RUNX2: variants seen among roughly 807,000 people sequenced by gnomAD.
The protein encoded by RUNX2 is runt-related transcription factor 2.
In RUNX2, 10 loss-of-function variants were observed where a neutral mutation model predicts 51.7. The ratio of observed to expected loss-of-function variants is 0.19; its 90% CI spans 0.12 to 0.33. The LOEUF (loss-of-function observed/expected upper bound fraction) is 0.33. Among genes scored for constraint, RUNX2 ranks in the 10% least tolerant of loss-of-function variants. RUNX2 has a pLI of 1.00. For missense variants in RUNX2, 562 were observed against 691.3 expected (o/e 0.81, Z 2.10); for synonymous variants, 276 against 273.6 (o/e 1.01, Z -0.09).
intron 2 of RUNX2, among the ~76,000 whole-genome samples, chr6:45,329,206 A>G (rs1055977625): frequency 6.6e-6 from 1 of 152,010 alleles, no homozygotes; most frequent in African/African-American, 2.4e-5. Context: ...ATTTTACAAA[A>G]TAACAGACCA....
At chr6:45,384,759 C>T (rs1175812055) in intron 2 of RUNX2, among the ~76,000 whole-genome samples, 1 of 138,484 alleles carries the variant, frequency 7.2e-6, no homozygotes, top group Non-Finnish European at 1.5e-5. Flanking sequence ...ACTCTATCTC[C>T]CAGACTGGAG....
At chr6:45,332,701 T>TA (rs1429704263) in intron 2 of RUNX2, among the ~76,000 whole-genome samples, 1 of 151,756 alleles carries the variant, frequency 6.6e-6, no homozygotes, top group Non-Finnish European at 1.5e-5. Flanking sequence ...TAGCATCTAT[T>TA]AAAAATATAT....
chr6:45,446,479 C>T (rs1234573402), intron 5 of RUNX2, among the ~76,000 whole-genome samples: 1 of 151,470 alleles, frequency 6.6e-6, no homozygotes, highest in African/African-American at 2.4e-5. Flanking sequence ...AGAGGTTCCC[C>T]TCCCCCCCTT....
intron 2 of RUNX2, among the ~76,000 whole-genome samples, chr6:45,396,833 G>A (rs1243523221): frequency 6.6e-6 from 1 of 152,084 alleles, no homozygotes; most frequent in East Asian, 1.9e-4. Context: ...ACATGTATCA[G>A]TATTTTATTC....
chr6:45,479,316 G>A (rs1271378921), intron 5 of RUNX2, among the ~76,000 whole-genome samples: 1 of 152,184 alleles, frequency 6.6e-6, no homozygotes, highest in Admixed American at 6.5e-5. Context: ...GAACTAAAAT[G>A]AAGGCATCTA....
chr6:45,514,165 A>C (rs1274126564), intron 7 of RUNX2, among the ~76,000 whole-genome samples: 1 of 152,184 alleles, frequency 6.6e-6, no homozygotes, highest in Non-Finnish European at 1.5e-5. Context: ...AGAGACACTT[A>C]ACTACAGCAG....
chr6:45,487,819 C>T (rs1337482544), intron 5 of RUNX2, among the ~76,000 whole-genome samples: 1 of 152,164 alleles, frequency 6.6e-6, no homozygotes, highest in African/African-American at 2.4e-5. Flanking sequence ...GGCTCATTCT[C>T]ATGAGACTTA....
rs1219072282 is a variant in RUNX2 at position 45,485,697 on chromosome 6, G to GTGTGTATATATATATATATA, written c.686-6243_686-6242insGTGTATATATATATATATAT. ...TATGTGTGTGTGTGTGTGTGTGTGT[G>GTGTGTATATATATATATATA]TATATATATATATATATATACACAT... On this transcript the variant is annotated intron_variant, in intron 5 of 8. Coordinates refer to ENST00000647337, the MANE Select transcript of RUNX2 (RefSeq NM_001024630.4). Among the ~76,000 whole-genome samples, 144 of 104,028 alleles carry GTGTGTATATATATATATATA rather than the reference G, an allele frequency of 1.4e-3. 1 individual carries two copies. Among genetic ancestry groups the GTGTGTATATATATATATATA allele is most frequent in the African/African-American group, 5.1e-3 (135 of 26,248 alleles). 68.2% of individuals were successfully genotyped at this position (104,028 alleles called of 152,430 possible).
In RUNX2 at chr6:45,549,990, TTTTC is replaced by T. The variant is rs886061505; in HGVS notation, c.*2697_*2700del. 6.9e-5 allele frequency: 10 copies of T among 144,744 alleles called. No homozygotes were observed. The highest frequency in any genetic ancestry group is 1.4e-4 in the Non-Finnish European group (9 of 66,420). The allele number at this position is 144,744 out of a possible 1,614,324, so 9.0% of individuals were successfully genotyped here. On this transcript the variant is annotated 3_prime_UTR_variant, in exon 9 of 9. Coordinates refer to ENST00000647337, the MANE Select transcript of RUNX2 (RefSeq NM_001024630.4). ...TTTGGTCTAGGGATTAAAATTTTGT[TTTTC>T]TTTCTTTCTTTTTTTTTTTTTTTCA...
intron 7 of RUNX2, among the ~76,000 whole-genome samples, chr6:45,535,784 G>T (rs1321392278): frequency 2.6e-5 from 4 of 152,032 alleles, no homozygotes; most frequent in Admixed American, 2.0e-4. Context: ...AGGGTAGGGG[G>T]CTAGTGGGAT....
intron 5 of RUNX2, among the ~76,000 whole-genome samples, chr6:45,490,323 G>C (rs1413589728): frequency 6.6e-6 from 1 of 152,138 alleles, no homozygotes. Flanking sequence ...TTTTCTCCTA[G>C]GTCTAGTCCT....
At chr6:45,502,763 AG>A (rs1800836284) in intron 6 of RUNX2, among the ~76,000 whole-genome samples, 1 of 152,154 alleles carries the variant, frequency 6.6e-6, no homozygotes, top group Non-Finnish European at 1.5e-5. Context: ...ATGCTGCCAG[AG>A]GGAGATTTTA....
At chr6:45,505,444 T>C (rs1800937559) in intron 6 of RUNX2, among the ~76,000 whole-genome samples, 1 of 151,750 alleles carries the variant, frequency 6.6e-6, no homozygotes, top group Non-Finnish European at 1.5e-5. Flanking sequence ...AGATGCGAAA[T>C]TTGGCTTTTT....
intron 3 of RUNX2, among the ~76,000 whole-genome samples, chr6:45,426,477 T>G (rs1407986867): frequency 6.6e-6 from 1 of 152,228 alleles, no homozygotes; most frequent in African/African-American, 2.4e-5. Flanking sequence ...GTTAGGGGTC[T>G]GTCAGCATTT....
At chr6:45,522,326 A>T (rs1341812487) in intron 7 of RUNX2, among the ~76,000 whole-genome samples, 9 of 152,178 alleles carry the variant, frequency 5.9e-5, no homozygotes, top group Non-Finnish European at 8.8e-5. Context: ...GATGCCAAAA[A>T]CATGCAAAGA....
rs1392275901 is a variant in RUNX2, at chr6:45,549,121, C to G, written c.*1816C>G. ...TGGCATGCACTTTGACCACTCCTGG[C>G]AGTCACATGGCAGATTTCCAAGTGC... On this transcript the variant is annotated 3_prime_UTR_variant, in exon 9 of 9. Transcript: ENST00000647337. 2.0e-5 allele frequency: 8 copies of G among 398,640 alleles called. No homozygotes were observed. In the South Asian group the frequency reaches 1.0e-3, roughly 51 times the overall value. 24.7% of individuals were successfully genotyped at this position (398,640 alleles called of 1,614,324 possible).
chr6:45,508,571 T>C (rs1801050981), intron 6 of RUNX2, among the ~76,000 whole-genome samples: 1 of 152,160 alleles, frequency 6.6e-6, no homozygotes, highest in Non-Finnish European at 1.5e-5. Context: ...GTCATTCTCA[T>C]AGACTCTTAG....
chr6:45,474,939 A>C (rs895657443), intron 5 of RUNX2, among the ~76,000 whole-genome samples: 1 of 152,166 alleles, frequency 6.6e-6, no homozygotes, highest in East Asian at 1.9e-4. Flanking sequence ...GTTCTGACCC[A>C]TCTCTGGCCC....
intron 2 of RUNX2, among the ~76,000 whole-genome samples, chr6:45,370,406 A>G (rs1263362459): frequency 1.3e-5 from 2 of 152,162 alleles, no homozygotes; most frequent in Non-Finnish European, 2.9e-5. Context: ...AAAACAGTTC[A>G]GTTGGGCCTA....
Sources: allele counts gnomAD v4.1 joint callset (sites outside exome capture counted in the v4.1 genomes callset), GRCh38; gene constraint gnomAD v4.1.1; transcripts MANE v1.5; gene names NCBI Gene and HGNC (gene_info 2026-07-23, HGNC 2026-07-21).